Variants in DNAJC1 observed in about 807,000 individuals in gnomAD.
The protein encoded by DNAJC1 is dnaJ homolog subfamily C member 1.
A neutral mutation model predicts 76.6 loss-of-function variants in DNAJC1; 58 were observed. The ratio of observed to expected loss-of-function variants is 0.76; its 90% CI spans 0.61 to 0.94. The LOEUF is 0.94. Ranked by LOEUF, DNAJC1 falls within the 40% of genes least tolerant of loss-of-function variation. The probability of loss-of-function intolerance (pLI) is 0.00; values close to 1 mark genes in which losing one functional copy is unlikely to be tolerated. For synonymous variants in DNAJC1, 258 were observed against 267.9 expected (o/e 0.96, Z 0.36); for missense variants, 689 against 677.3 (o/e 1.02, Z -0.19).
At chr10:21,803,840 T>A (rs1352467798) in intron 9 of DNAJC1, 1 of 957,050 alleles carries the variant, frequency 1.0e-6, no homozygotes, top group African/African-American at 1.9e-5. Flanking sequence ...TTTGTTATTA[T>A]GAAAACAGAA....
At chr10:21,802,157 G>A (rs924843711) in intron 9 of DNAJC1, among the ~76,000 whole-genome samples, 17 of 152,122 alleles carry the variant, frequency 1.1e-4, no homozygotes, top group African/African-American at 3.9e-4. Context: ...AAGGTTGAGA[G>A]GGTAAGAGAA....
chr10:21,944,854 C>CT (rs1837478041), intron 1 of DNAJC1, among the ~76,000 whole-genome samples: 1 of 152,148 alleles, frequency 6.6e-6, no homozygotes, highest in Non-Finnish European at 1.5e-5. Context: ...TGACAGACAA[C>CT]TTGTGAGTAA....
At chr10:21,834,536 G>A (rs535215525) in intron 8 of DNAJC1, among the ~76,000 whole-genome samples, 60 of 152,330 alleles carry the variant, frequency 3.9e-4, no homozygotes, top group African/African-American at 1.4e-3. Flanking sequence ...GCCTCACCCT[G>A]GAAGCCCAAG....
chr10:21,907,139 C>T (rs1394215319), intron 6 of DNAJC1, among the ~76,000 whole-genome samples: 1 of 152,186 alleles, frequency 6.6e-6, no homozygotes, highest in Non-Finnish European at 1.5e-5. Flanking sequence ...AAAACTTCCT[C>T]TTTGAAATAC....
rs556862344 is a variant in DNAJC1 at position 21,931,692 on chromosome 10, A to G, written c.223-2551T>C. Among the ~76,000 whole-genome samples, 9 of 152,264 alleles carry G rather than the reference A, an allele frequency of 5.9e-5. No homozygotes were observed. The South Asian group carries it at 1.9e-3, about 32-fold the overall frequency. On this transcript the variant is annotated intron_variant, in intron 1 of 11. Coordinates refer to ENST00000376980, the MANE Select transcript of DNAJC1 (RefSeq NM_022365.4). Reference sequence around the variant, plus strand: ...CTACAATGTGAATATGTTCCATTGGAGCTTTAAAGGTAAAAACCCTGGTAC... The same window carrying G: ...CTACAATGTGAATATGTTCCATTGGGGCTTTAAAGGTAAAAACCCTGGTAC...
chr10:21,883,521 T>C (rs1836317559), intron 7 of DNAJC1, among the ~76,000 whole-genome samples: 1 of 152,188 alleles, frequency 6.6e-6, no homozygotes. Flanking sequence ...GTTGACTTAT[T>C]ATGGGATTAC....
chr10:21,878,253 T>C (rs1333060517), intron 8 of DNAJC1, among the ~76,000 whole-genome samples: 2 of 152,202 alleles, frequency 1.3e-5, no homozygotes, highest in Non-Finnish European at 2.9e-5. Context: ...TTCTATGCTA[T>C]GCAATTTACT....
intron 7 of DNAJC1, among the ~76,000 whole-genome samples, chr10:21,888,766 G>T (rs1284648311): frequency 6.6e-6 from 1 of 152,010 alleles, no homozygotes; most frequent in Non-Finnish European, 1.5e-5. Flanking sequence ...AAGACACTGG[G>T]GTCTACTTGA....
chr10:21,908,392 G>A (rs1368126431), intron 6 of DNAJC1, among the ~76,000 whole-genome samples: 2 of 146,086 alleles, frequency 1.4e-5, no homozygotes, highest in Non-Finnish European at 3.0e-5. Context: ...ATGTTCTAAG[G>A]TATGGCTATT....
intron 9 of DNAJC1, among the ~76,000 whole-genome samples, chr10:21,776,283 T>G (rs1042779892): frequency 2.0e-5 from 3 of 152,210 alleles, no homozygotes; most frequent in Non-Finnish European, 4.4e-5. Flanking sequence ...TCCAACTTTC[T>G]GAGCTATATA....
chr10:21,872,193 G>C (rs1316840742), intron 8 of DNAJC1, among the ~76,000 whole-genome samples: 3 of 150,504 alleles, frequency 2.0e-5, no homozygotes, highest in Admixed American at 6.6e-5. Flanking sequence ...CCTGCCTCAA[G>C]CTCTCAAGTA....
rs185315702 is a variant in DNAJC1, at chr10:21,860,414, T to C, written c.978+21868A>G. Among the ~76,000 whole-genome samples, 89 of 152,150 alleles carry C rather than the reference T, an allele frequency of 5.8e-4. 2 individuals are homozygous for C. Among genetic ancestry groups the C allele is most frequent in the Admixed American group, 5.8e-3 (88 of 15,256 alleles). ...GTGATGTTAAAACTAGAATTCAGGA[T>C]GGACGCGGTGGCTCATGCCTGTAAT... On this transcript the variant is annotated intron_variant, in intron 8 of 11. Transcript: ENST00000376980.
intron 8 of DNAJC1, among the ~76,000 whole-genome samples, chr10:21,841,407 A>T (rs560065299): frequency 1.3e-5 from 2 of 152,338 alleles, no homozygotes; most frequent in South Asian, 4.1e-4. Context: ...ATTTACAAGA[A>T]AAAAACAAAC....
chr10:21,992,529 A>C (rs764373214), intron 1 of DNAJC1, among the ~76,000 whole-genome samples: 1 of 151,884 alleles, frequency 6.6e-6, no homozygotes, highest in Non-Finnish European at 1.5e-5. Flanking sequence ...CTCCAGCCTG[A>C]GCAACAGAGC....
intron 8 of DNAJC1, among the ~76,000 whole-genome samples, chr10:21,864,397 G>A (rs1002700428): frequency 6.6e-6 from 1 of 152,136 alleles, no homozygotes; most frequent in South Asian, 2.1e-4. Flanking sequence ...CAAGGCAGGT[G>A]GATCACGAGG....
intron 1 of DNAJC1, among the ~76,000 whole-genome samples, chr10:21,977,602 C>T (rs553722453): frequency 6.6e-6 from 1 of 152,190 alleles, no homozygotes; most frequent in Admixed American, 6.5e-5. Flanking sequence ...GAATTGATTC[C>T]CAGTGCAGGG....
At chr10:21,897,656 A>G (rs1222300255) in intron 7 of DNAJC1, among the ~76,000 whole-genome samples, 1 of 152,132 alleles carries the variant, frequency 6.6e-6, no homozygotes, top group African/African-American at 2.4e-5. Context: ...ACCATCCCCC[A>G]CTGCCACCAG....
At chr10:21,927,494 G>GT (rs1590052690) in intron 3 of DNAJC1, among the ~76,000 whole-genome samples, 1 of 151,928 alleles carries the variant, frequency 6.6e-6, no homozygotes, top group Admixed American at 6.6e-5. Context: ...GTTTTGTTTT[G>GT]TTTTTTACAG....
chr10:21,810,353 T>C (rs1834945110), intron 8 of DNAJC1, among the ~76,000 whole-genome samples: 1 of 152,188 alleles, frequency 6.6e-6, no homozygotes, highest in African/African-American at 2.4e-5. Context: ...TTAATCAATA[T>C]TGGCGATCCT....
Sources: gnomAD v4.1 joint callset for allele counts (sites outside exome capture counted in the v4.1 genomes callset) on GRCh38, gnomAD v4.1.1 for gene constraint, MANE v1.5 for transcripts, NCBI Gene and HGNC (gene_info 2026-07-23, HGNC 2026-07-21) for gene names.